Variants in CDH12 observed in about 807,000 individuals in gnomAD.
The protein encoded by CDH12 is cadherin-12.
Under a neutral mutation model 74.1 loss-of-function variants are expected in CDH12, and 41 were observed. The observed-to-expected ratio is 0.55, with a 90% CI of 0.43 to 0.72. The LOEUF (loss-of-function observed/expected upper bound fraction) is 0.72. CDH12 is among the 30% of genes least tolerant of loss of function. CDH12 has a pLI of 0.00. For synonymous variants in CDH12, 399 were observed against 355.0 expected (o/e 1.12, Z -1.39); for missense variants, 945 against 977.2 (o/e 0.97, Z 0.44).
At chr5:22,729,313 A>G (rs1744314980) in intron 1 of CDH12, among the ~76,000 whole-genome samples, 1 of 151,758 alleles carries the variant, frequency 6.6e-6, no homozygotes, top group South Asian at 2.1e-4. Context: ...GCTCCCTGTA[A>G]CTTCAAGCCA....
At chr5:21,765,968 T>TA (rs1254215077) in intron 11 of CDH12, among the ~76,000 whole-genome samples, 1 of 152,050 alleles carries the variant, frequency 6.6e-6, no homozygotes, top group African/African-American at 2.4e-5. Flanking sequence ...GGCAGAAAGC[T>TA]AAATGAATGG....
intron 6 of CDH12, among the ~76,000 whole-genome samples, chr5:21,966,288 G>C (rs1416137007): frequency 6.6e-6 from 1 of 151,640 alleles, no homozygotes; most frequent in African/African-American, 2.4e-5. Context: ...CTATGTAATG[G>C]GTCAACATAC....
At chr5:22,469,968 T>G (rs1462541166) in intron 2 of CDH12, among the ~76,000 whole-genome samples, 1 of 152,232 alleles carries the variant, frequency 6.6e-6, no homozygotes, top group Non-Finnish European at 1.5e-5. Flanking sequence ...TCTGCATGTC[T>G]TTTTTCTTCT....
At chr5:22,478,608 G>A (rs928240502) in intron 2 of CDH12, among the ~76,000 whole-genome samples, 2 of 151,568 alleles carry the variant, frequency 1.3e-5, no homozygotes, top group African/African-American at 4.9e-5. Flanking sequence ...ATAATATCAA[G>A]AGCAAATGTT....
chr5:22,226,504 AGAATGTG>A (rs1752200004), intron 3 of CDH12, among the ~76,000 whole-genome samples: 1 of 151,888 alleles, frequency 6.6e-6, no homozygotes, highest in Non-Finnish European at 1.5e-5. Context: ...AGCAAGCAGG[AGAATGTG>A]GACCTCTGAG....
At chr5:21,777,126 A>G (rs1745632922) in intron 11 of CDH12, among the ~76,000 whole-genome samples, 2 of 152,236 alleles carry the variant, frequency 1.3e-5, no homozygotes, top group South Asian at 4.1e-4. Context: ...TGCTTAAATA[A>G]GAGTATGATG....
At chr5:21,952,873 T>C (rs1198707289) in intron 6 of CDH12, among the ~76,000 whole-genome samples, 1 of 151,666 alleles carries the variant, frequency 6.6e-6, no homozygotes, top group Non-Finnish European at 1.5e-5. Context: ...CTTTCCAACC[T>C]GACTCTGGTA....
At chr5:22,159,131 C>T (rs1242362084) in intron 4 of CDH12, among the ~76,000 whole-genome samples, 1 of 151,684 alleles carries the variant, frequency 6.6e-6, no homozygotes, top group Non-Finnish European at 1.5e-5. Flanking sequence ...ATGTCATGTG[C>T]AAAATAAAGA....
chr5:21,833,251 A>ATTATATAACATAATATATATATTATATG (rs1749265413), intron 8 of CDH12, among the ~76,000 whole-genome samples: 1 of 13,218 alleles, frequency 7.6e-5, no homozygotes, highest in Non-Finnish European at 9.7e-5. Context: ...TATATTATAT[A>ATTATATAACATAATATATATATTATATG]TTATATAACA....
At chr5:22,244,713 G>T (rs1256526925) in intron 3 of CDH12, among the ~76,000 whole-genome samples, 1 of 139,662 alleles carries the variant, frequency 7.2e-6, no homozygotes, top group African/African-American at 2.7e-5. Context: ...GAAAGAGAAA[G>T]AGAGAGAGAA....
chr5:22,532,361 A>ACTTGT (rs1251522358), intron 1 of CDH12, among the ~76,000 whole-genome samples: 1 of 68,104 alleles, frequency 1.5e-5, no homozygotes, highest in Non-Finnish European at 3.1e-5. Flanking sequence ...ATATATATAT[A>ACTTGT]TATATATATA....
chr5:22,261,268 T>C (rs1450862235), intron 3 of CDH12, among the ~76,000 whole-genome samples: 1 of 152,000 alleles, frequency 6.6e-6, no homozygotes, highest in Non-Finnish European at 1.5e-5. Context: ...GCCTTAAAAA[T>C]AAATATAGCA....
intron 1 of CDH12, among the ~76,000 whole-genome samples, chr5:22,805,795 C>G (rs1748751905): frequency 6.6e-6 from 1 of 152,114 alleles, no homozygotes; most frequent in African/African-American, 2.4e-5. Flanking sequence ...TCTCCTAATG[C>G]TATCCCTCCC....
At chr5:22,490,614 G>A (rs1327237922) in intron 2 of CDH12, among the ~76,000 whole-genome samples, 1 of 151,388 alleles carries the variant, frequency 6.6e-6, no homozygotes, top group Non-Finnish European at 1.5e-5. Flanking sequence ...CTTTAGAATT[G>A]AAGTAATTAA....
intron 3 of CDH12, among the ~76,000 whole-genome samples, chr5:22,228,383 C>G (rs1401023018): frequency 1.3e-5 from 2 of 152,164 alleles, no homozygotes; most frequent in Non-Finnish European, 2.9e-5. Flanking sequence ...TACTTTTCCC[C>G]TGCTATTTAA....
chr5:22,413,798 T>C (rs1743265355), intron 2 of CDH12, among the ~76,000 whole-genome samples: 1 of 152,028 alleles, frequency 6.6e-6, no homozygotes, highest in African/African-American at 2.4e-5. Flanking sequence ...ATTTTTCAAT[T>C]TGTTAATTTT....
intron 6 of CDH12, among the ~76,000 whole-genome samples, chr5:21,878,784 A>AG (rs1228661202): frequency 1.0e-5 from 1 of 95,508 alleles, no homozygotes; most frequent in Non-Finnish European, 2.6e-5. Flanking sequence ...AAAGAAAGAA[A>AG]AAAAGAAAGA....
At chr5:22,627,959 G>T (rs1030472602) in intron 1 of CDH12, among the ~76,000 whole-genome samples, 1 of 151,898 alleles carries the variant, frequency 6.6e-6, no homozygotes, top group Admixed American at 6.6e-5. Flanking sequence ...AGACATAACA[G>T]ACTTTAATCC....
At chr5:22,811,235 T>A (rs1034389257) in intron 1 of CDH12, among the ~76,000 whole-genome samples, 8 of 151,932 alleles carry the variant, frequency 5.3e-5, no homozygotes, top group Non-Finnish European at 1.0e-4. Flanking sequence ...CATCTGGATA[T>A]AGAGAAGAGG....
Sources: gnomAD v4.1 joint callset for allele counts (sites outside exome capture counted in the v4.1 genomes callset) on GRCh38, gnomAD v4.1.1 for gene constraint, MANE v1.5 for transcripts, NCBI Gene and HGNC (gene_info 2026-07-23, HGNC 2026-07-21) for gene names.